GPC6: variants seen among roughly 807,000 people sequenced by gnomAD.
The protein encoded by GPC6 is glypican-6.
In GPC6, 14 loss-of-function variants were observed where a neutral mutation model predicts 55.2. The observed-to-expected ratio is 0.25, with a 90% CI of 0.17 to 0.40. GPC6 has a LOEUF of 0.40. Ranked by LOEUF, GPC6 falls within the 10% of genes least tolerant of loss-of-function variation. GPC6 has a pLI of 1.00. For missense variants in GPC6, 641 were observed against 708.5 expected, an observed-to-expected ratio of 0.90 and a Z score of 1.08; for synonymous variants, 278 against 259.6, an observed-to-expected ratio of 1.07 and a Z score of -0.68.
At chr13:94,226,499 T>C (rs1231737023) in intron 4 of GPC6, among the ~76,000 whole-genome samples, 2 of 152,194 alleles carry the variant, frequency 1.3e-5, no homozygotes, top group African/African-American at 4.8e-5. Context: ...ATTTTATCAA[T>C]ACACCATGTG....
rs149350509 is a variant in GPC6 at position 94,356,868 on chromosome 13, C to T, written c.1153-25546C>T. Among the ~76,000 whole-genome samples the T allele has an allele frequency of 3.1e-3, 465 of 152,196 alleles. 3 individuals carry two copies. The highest frequency in any genetic ancestry group is 0.011 in the African/African-American group (439 of 41,520). On this transcript the variant is annotated intron_variant, in intron 6 of 8. Coordinates refer to ENST00000377047, the MANE Select transcript of GPC6 (RefSeq NM_005708.5). ...AGTGAGCTAGGATTGCACCACTGGA[C>T]TCTGGCCTGAACAACAGAGTGAGAC...
chr13:93,696,249 C>T (rs1432071604), intron 2 of GPC6, among the ~76,000 whole-genome samples: 1 of 152,064 alleles, frequency 6.6e-6, no homozygotes, highest in East Asian at 1.9e-4. Flanking sequence ...GCATCATTTC[C>T]AACTGATGTA....
At chr13:93,420,852 T>C (rs1876896575) in intron 1 of GPC6, among the ~76,000 whole-genome samples, 1 of 152,048 alleles carries the variant, frequency 6.6e-6, no homozygotes, top group East Asian at 1.9e-4. Flanking sequence ...TTTTGACTAG[T>C]AGGAGGTTCA....
intron 2 of GPC6, among the ~76,000 whole-genome samples, chr13:93,613,842 G>A (rs1038878328): frequency 6.6e-6 from 1 of 152,162 alleles, no homozygotes; most frequent in African/African-American, 2.4e-5. Context: ...CTTCGTAGAG[G>A]GCCAGTCCTC....
intron 3 of GPC6, among the ~76,000 whole-genome samples, chr13:93,909,913 C>A (rs1876873545): frequency 1.3e-5 from 2 of 152,120 alleles, no homozygotes; most frequent in African/African-American, 4.8e-5. Context: ...TCCATCCAAT[C>A]AACAACGTAG....
chr13:93,380,213 T>C (rs1875100179), intron 1 of GPC6, among the ~76,000 whole-genome samples: 1 of 152,098 alleles, frequency 6.6e-6, no homozygotes, highest in African/African-American at 2.4e-5. Context: ...GCCAATTAAA[T>C]TAGAAGCCTA....
intron 2 of GPC6, among the ~76,000 whole-genome samples, chr13:93,802,871 T>A (rs1461010361): frequency 3.3e-5 from 5 of 152,182 alleles, no homozygotes; most frequent in Admixed American, 6.5e-5. Flanking sequence ...TTGTTCTGAT[T>A]TTTTAATATA....
chr13:94,013,538 C>T (rs1477155400), intron 3 of GPC6, among the ~76,000 whole-genome samples: 3 of 152,004 alleles, frequency 2.0e-5, no homozygotes, highest in South Asian at 2.1e-4. Context: ...GTAGTGGAGA[C>T]GGGGTTTCTC....
At chr13:94,066,291 T>C (rs1884513213) in intron 4 of GPC6, among the ~76,000 whole-genome samples, 1 of 152,216 alleles carries the variant, frequency 6.6e-6, no homozygotes, top group Non-Finnish European at 1.5e-5. Context: ...TAGGTACAGC[T>C]ATATTCCTTA....
intron 3 of GPC6, among the ~76,000 whole-genome samples, chr13:93,861,220 TA>T (rs964587308): frequency 1.2e-3 from 178 of 144,178 alleles, no homozygotes; most frequent in Admixed American, 1.5e-3. Context: ...TTCACAGTAG[TA>T]AAAAAAAAAA....
chr13:94,181,655 C>T (rs1889002786), intron 4 of GPC6, among the ~76,000 whole-genome samples: 1 of 152,160 alleles, frequency 6.6e-6, no homozygotes, highest in South Asian at 2.1e-4. Flanking sequence ...ACTCCCTGAC[C>T]ACACAATCTT....
intron 2 of GPC6, among the ~76,000 whole-genome samples, chr13:93,602,650 T>C (rs192478365): frequency 2.6e-5 from 4 of 152,328 alleles, no homozygotes; most frequent in Admixed American, 1.3e-4. Context: ...TATTTTTCAG[T>C]AGTATTAATC....
Position 93,456,118 on chromosome 13 carries a change from A to AT in GPC6, c.161-89145_161-89144insT, listed in dbSNP as rs566744804. On this transcript the variant is annotated intron_variant, in intron 1 of 8. Transcript: ENST00000377047. ...CTGGAGAATTGTAACAAGTGTCTTG[A>AT]CTTTCTCTGCACCTGGAGATTAATG... Among the ~76,000 whole-genome samples, 292 of 152,280 alleles carry AT rather than the reference A, an allele frequency of 1.9e-3. 1 individual carries two copies. The highest frequency in any genetic ancestry group is 6.8e-3 in the African/African-American group (281 of 41,562).
intron 1 of GPC6, among the ~76,000 whole-genome samples, chr13:93,541,246 A>T (rs372432721): frequency 1.4e-5 from 2 of 142,508 alleles, no homozygotes; most frequent in Admixed American, 7.2e-5. Flanking sequence ...TCATTGTTCA[A>T]TTCCCACCTA....
At chr13:93,920,090 C>T (rs941016759) in intron 3 of GPC6, among the ~76,000 whole-genome samples, 10 of 152,086 alleles carry the variant, frequency 6.6e-5, no homozygotes, top group African/African-American at 2.2e-4. Context: ...ACTCATCAAC[C>T]CACCGACCTT....
chr13:94,050,541 A>T (rs1430115039), intron 4 of GPC6, among the ~76,000 whole-genome samples: 1 of 152,200 alleles, frequency 6.6e-6, no homozygotes, highest in African/African-American at 2.4e-5. Context: ...ATATACCACC[A>T]TCATGAGACT....
At chr13:93,441,094 T>C (rs888493556) in intron 1 of GPC6, among the ~76,000 whole-genome samples, 2 of 152,214 alleles carry the variant, frequency 1.3e-5, no homozygotes, top group African/African-American at 2.4e-5. Flanking sequence ...CAGTCTATCA[T>C]TGATGGACAT....
intron 2 of GPC6, among the ~76,000 whole-genome samples, chr13:93,827,620 C>T (rs1277311725): frequency 6.6e-6 from 1 of 152,104 alleles, no homozygotes; most frequent in Non-Finnish European, 1.5e-5. Context: ...ATAATAATAA[C>T]TTGACTTTGA....
At chr13:94,147,377 T>C (rs963381137) in intron 4 of GPC6, among the ~76,000 whole-genome samples, 8 of 152,160 alleles carry the variant, frequency 5.3e-5, no homozygotes, top group African/African-American at 7.2e-5. Context: ...TACAGGATGT[T>C]AGGCTCTATA....
Sources: allele counts gnomAD v4.1 joint callset (sites outside exome capture counted in the v4.1 genomes callset), GRCh38; gene constraint gnomAD v4.1.1; transcripts MANE v1.5; gene names NCBI Gene and HGNC (gene_info 2026-07-23, HGNC 2026-07-21).